The following BASP1 variants were observed in gnomAD, a reference collection of about 807,000 sequenced individuals.
BASP1 encodes the protein brain abundant membrane attached signal protein 1, also known as brain acid soluble protein 1.
A neutral mutation model predicts 2.2 loss-of-function variants in BASP1; 1 was observed. That is an observed-to-expected ratio of 0.46 (90% CI 0.16 to 2.17). The LOEUF is 2.17. Ranked by LOEUF, BASP1 falls within the 30% of genes most tolerant of loss-of-function variation. The probability of loss-of-function intolerance (pLI) is 0.27; values close to 1 mark genes in which losing one functional copy is unlikely to be tolerated. For missense variants in BASP1, 352 were observed against 327.2 expected, an observed-to-expected ratio of 1.08 and a Z score of -0.58; for synonymous variants, 187 against 154.2, an observed-to-expected ratio of 1.21 and a Z score of -1.58.
rs578060841 is a variant in BASP1 at position 17,275,066 on chromosome 5, C to T, written c.-9-142C>T. ...ATGAATAAATTGAATTTAACTGTGC[C>T]TAACTATAGTTTACCATGCCACCCC... On this transcript the variant is annotated intron_variant, in intron 1 of 1. Coordinates refer to ENST00000322611, the MANE Select transcript of BASP1 (RefSeq NM_006317.5). This position sits in a 1 kb window ranked among gnomAD's most constrained non-coding sequence, Gnocchi z 5.3. 1 of 676,432 alleles carries T rather than the reference C, an allele frequency of 1.5e-6. No homozygotes were observed. Among genetic ancestry groups the T allele is most frequent in the East Asian group, 2.9e-5 (1 of 34,960 alleles). 41.9% of individuals were successfully genotyped at this position (676,432 alleles called of 1,614,324 possible). A position where few individuals can be genotyped will look rare whatever the true frequency, so the allele number is the denominator to read the frequency against.
chr5:17,238,760 C>T (rs1267315176), intron 1 of BASP1, among the ~76,000 whole-genome samples: 1 of 152,182 alleles, frequency 6.6e-6, no homozygotes, highest in African/African-American at 2.4e-5. Flanking sequence ...TTAAACATGA[C>T]TCATAGTGAA....
At position 17,275,665 on chromosome 5, in the gene BASP1, A is replaced by T; in HGVS notation, c.449A>T (p.Lys150Met). ...EPSKEEGEPK[K>M]TEAPAAPAAQ... ...AGCAAGGAGGAAGGGGAACCCAAAA[A>T]GACTGAGGCGCCCGCAGCTCCTGCC... The change falls in exon 2 of 2, where the codon AAG becomes ATG. Residue 150 changes from lysine (K) to methionine (M), a missense_variant. Transcript: ENST00000322611. The surrounding 1 kb of genome is among the most constrained non-coding windows in gnomAD (Gnocchi z 5.3). 1 of 1,552,592 alleles carries T rather than the reference A, an allele frequency of 6.4e-7. No individual in the cohort carries two copies. Among genetic ancestry groups the T allele is most frequent in the Non-Finnish European group, 8.7e-7 (1 of 1,150,036 alleles).
chr5:17,241,657 G>A (rs1739865710), intron 1 of BASP1, among the ~76,000 whole-genome samples: 1 of 152,176 alleles, frequency 6.6e-6, no homozygotes. Context: ...TGCATTTGCT[G>A]GGAGTGAACG....
intron 1 of BASP1, among the ~76,000 whole-genome samples, chr5:17,234,298 T>A (rs571773939): frequency 2.0e-5 from 3 of 152,324 alleles, no homozygotes; most frequent in South Asian, 2.1e-4. Context: ...TTCAACTGTA[T>A]GAAGATTATT....
intron 1 of BASP1, among the ~76,000 whole-genome samples, chr5:17,267,816 C>CTTTT (rs1740443915): frequency 6.8e-5 from 1 of 14,812 alleles, no homozygotes; most frequent in African/African-American, 2.7e-4. Flanking sequence ...CGCTCCCAGC[C>CTTTT]CTTTTTTTTT....
chr5:17,218,887 G>C (rs374575185), intron 1 of BASP1, among the ~76,000 whole-genome samples: 3 of 152,236 alleles, frequency 2.0e-5, no homozygotes, highest in Admixed American at 6.5e-5. Flanking sequence ...CGTCCCCAGA[G>C]ACATTTCCGC....
chr5:17,228,118 T>C (rs973781990), intron 1 of BASP1, among the ~76,000 whole-genome samples: 7 of 152,342 alleles, frequency 4.6e-5, no homozygotes, highest in African/African-American at 1.7e-4. Context: ...GAAAGTCTCA[T>C]TGAAGGTTTG....
At chr5:17,256,668 AGTTGAACAGAAATC>A (rs1195776290) in intron 1 of BASP1, among the ~76,000 whole-genome samples, 1 of 152,220 alleles carries the variant, frequency 6.6e-6, no homozygotes, top group African/African-American at 2.4e-5. Context: ...CTGAATCCCA[AGTTGAACAGAAATC>A]GTTTAAAAAT....
At position 17,251,939 on chromosome 5, in the gene BASP1, A is replaced by G. The variant is rs1045882638; in HGVS notation, c.-9-23269A>G. ...CTCAAGAAATAATCTAGTGGGCGCT[A>G]GAGTGTAGACAAAGAATCCTCAGTA... is the stretch of plus-strand genomic sequence containing the variant. On this transcript the variant is annotated intron_variant, in intron 1 of 1. Coordinates refer to ENST00000322611, the MANE Select transcript of BASP1 (RefSeq NM_006317.5). The surrounding 1 kb of genome is among the most constrained non-coding windows in gnomAD (Gnocchi z 4.0). 3.3e-5 allele frequency among the ~76,000 whole-genome samples: 5 copies of G among 152,182 alleles called. No homozygotes were observed. In the East Asian group the frequency reaches 9.6e-4, roughly 29 times the overall value.
At chr5:17,253,880 G>A (rs1465976879) in intron 1 of BASP1, among the ~76,000 whole-genome samples, 1 of 151,916 alleles carries the variant, frequency 6.6e-6, no homozygotes, top group Non-Finnish European at 1.5e-5. Flanking sequence ...ACATTCAGGA[G>A]GCTTTATGGA....
intron 1 of BASP1, among the ~76,000 whole-genome samples, chr5:17,273,140 A>G (rs1356403994): frequency 6.6e-6 from 1 of 152,210 alleles, no homozygotes; most frequent in Non-Finnish European, 1.5e-5. Context: ...CTGAAATTAT[A>G]TTTGGTATAG....
intron 1 of BASP1, among the ~76,000 whole-genome samples, chr5:17,240,395 G>C (rs1426084926): frequency 6.6e-6 from 1 of 152,108 alleles, no homozygotes; most frequent in African/African-American, 2.4e-5. Context: ...AATTAGCTGG[G>C]CGTGGTGGCG....
At chr5:17,269,757 A>G (rs1030965360) in intron 1 of BASP1, among the ~76,000 whole-genome samples, 2 of 152,224 alleles carry the variant, frequency 1.3e-5, no homozygotes, top group Non-Finnish European at 2.9e-5. Flanking sequence ...AGGAAGTAGC[A>G]AAACAAAATG....
rs1350323304 is a variant in BASP1, at chr5:17,262,108, A to C, written c.-9-13100A>C. ...CATCTTTTCCTTTCTAACTCCTACA[A>C]GAGCTGTTTTTCTGCTTTCTGTCAT... On this transcript the variant is annotated intron_variant, in intron 1 of 1. Coordinates refer to ENST00000322611, the MANE Select transcript of BASP1 (RefSeq NM_006317.5). 2.6e-5 allele frequency among the ~76,000 whole-genome samples: 4 copies of C among 151,872 alleles called. No homozygotes were observed. The East Asian group carries it at 7.7e-4, about 29-fold the overall frequency.
chr5:17,266,309 T>C (rs1277627925), intron 1 of BASP1, among the ~76,000 whole-genome samples: 2 of 152,154 alleles, frequency 1.3e-5, no homozygotes, highest in Non-Finnish European at 2.9e-5. Context: ...TTAAGGATGA[T>C]GAAAAGAGAA....
At chr5:17,269,376 CTT>C (rs769261855) in intron 1 of BASP1, among the ~76,000 whole-genome samples, 5 of 152,166 alleles carry the variant, frequency 3.3e-5, no homozygotes, top group African/African-American at 1.2e-4. Context: ...GATGCAAACA[CTT>C]TTTGAGTTTC....
chr5:17,232,207 C>A (rs375089776), intron 1 of BASP1, among the ~76,000 whole-genome samples: 94 of 152,278 alleles, frequency 6.2e-4, no homozygotes, highest in African/African-American at 2.1e-3. Context: ...ATTGTGGGAA[C>A]CTTTCAGAAA....
chr5:17,228,585 A>G (rs1184735643), intron 1 of BASP1, among the ~76,000 whole-genome samples: 2 of 152,222 alleles, frequency 1.3e-5, no homozygotes, highest in African/African-American at 2.4e-5. Context: ...GCTTAAATCA[A>G]ATCACCTTGT....
At chr5:17,255,028 T>C (rs1468390420) in intron 1 of BASP1, among the ~76,000 whole-genome samples, 1 of 152,228 alleles carries the variant, frequency 6.6e-6, no homozygotes, top group Non-Finnish European at 1.5e-5. Flanking sequence ...GGTGTAGCTT[T>C]GATATTTTCC....
Sources: gnomAD v4.1 joint callset for allele counts (sites outside exome capture counted in the v4.1 genomes callset) on GRCh38, gnomAD v4.1.1 for gene constraint, Gnocchi (gnomAD v3.1) non-coding constraint, MANE v1.5 for transcripts, NCBI Gene and HGNC (gene_info 2026-07-23, HGNC 2026-07-21) for gene names.